The following MTHFD2L variants were observed in gnomAD, a reference collection of about 807,000 sequenced individuals.
MTHFD2L encodes the protein methylenetetrahydrofolate dehydrogenase (NADP+ dependent) 2 like.
In MTHFD2L, 29 loss-of-function variants were observed where a neutral mutation model predicts 34.9. That is an observed-to-expected ratio of 0.83 (90% CI 0.62 to 1.13). The LOEUF (loss-of-function observed/expected upper bound fraction) is 1.13. MTHFD2L is among the 50% of genes most tolerant of loss of function. The pLI, the probability that MTHFD2L is intolerant of heterozygous loss-of-function variation, is 0.00. For missense variants in MTHFD2L, 481 were observed against 446.5 expected, an observed-to-expected ratio of 1.08 and a Z score of -0.70; for synonymous variants, 167 against 155.7, an observed-to-expected ratio of 1.07 and a Z score of -0.54.
intron 6 of MTHFD2L, among the ~76,000 whole-genome samples, chr4:74,277,586 A>C (rs1186234145): frequency 6.6e-6 from 1 of 152,056 alleles, no homozygotes; most frequent in Non-Finnish European, 1.5e-5. Flanking sequence ...GAATATTGCT[A>C]ATAAGGAATA....
intron 6 of MTHFD2L, among the ~76,000 whole-genome samples, chr4:74,250,281 C>G (rs554082454): frequency 6.6e-6 from 1 of 152,308 alleles, no homozygotes; most frequent in African/African-American, 2.4e-5. Flanking sequence ...AAATCACTAA[C>G]TTGCATAATC....
intron 1 of MTHFD2L, among the ~76,000 whole-genome samples, chr4:74,138,835 G>T (rs1295496292): frequency 6.6e-6 from 1 of 152,172 alleles, no homozygotes; most frequent in Non-Finnish European, 1.5e-5. Flanking sequence ...CTGCTCAAAT[G>T]CCTGGGTTTA....
intron 6 of MTHFD2L, among the ~76,000 whole-genome samples, chr4:74,258,536 C>A (rs1560537510): frequency 6.6e-6 from 1 of 151,956 alleles, no homozygotes; most frequent in Non-Finnish European, 1.5e-5. Context: ...CAAGGGCTGA[C>A]TTTATATGAG....
intron 6 of MTHFD2L, among the ~76,000 whole-genome samples, chr4:74,252,102 A>T (rs1352947236): frequency 6.6e-6 from 1 of 152,244 alleles, no homozygotes; most frequent in African/African-American, 2.4e-5. Flanking sequence ...GCTGGGAAAG[A>T]TGCCACCTCT....
At chr4:74,151,019 T>G (rs1723905724) in intron 1 of MTHFD2L, among the ~76,000 whole-genome samples, 1 of 151,972 alleles carries the variant, frequency 6.6e-6, no homozygotes, top group Non-Finnish European at 1.5e-5. Flanking sequence ...GTTCTTTACA[T>G]CATTCTTAGT....
At chr4:74,255,735 A>G (rs1034055812) in intron 6 of MTHFD2L, among the ~76,000 whole-genome samples, 1 of 152,210 alleles carries the variant, frequency 6.6e-6, no homozygotes, top group African/African-American at 2.4e-5. Context: ...TTATTAATAA[A>G]TAAGAACATG....
At chr4:74,231,932 A>T (rs1167065765) in intron 6 of MTHFD2L, among the ~76,000 whole-genome samples, 2 of 152,218 alleles carry the variant, frequency 1.3e-5, no homozygotes, top group Admixed American at 1.3e-4. Flanking sequence ...AACCTTTTGC[A>T]TAGTGTAATC....
intron 6 of MTHFD2L, among the ~76,000 whole-genome samples, chr4:74,242,493 T>C (rs1480779388): frequency 6.6e-6 from 1 of 152,188 alleles, no homozygotes; most frequent in Admixed American, 6.5e-5. Context: ...AACATTCTTA[T>C]GAGGTCAGTA....
chr4:74,224,347 TGCCTTTC>T (rs1738799187), intron 5 of MTHFD2L, among the ~76,000 whole-genome samples: 1 of 152,182 alleles, frequency 6.6e-6, no homozygotes, highest in Non-Finnish European at 1.5e-5. Context: ...ATTTCTTTGC[TGCCTTTC>T]TCCCTGTATG....
At chr4:74,137,898 A>G (rs1578240973) in intron 1 of MTHFD2L, among the ~76,000 whole-genome samples, 1 of 152,196 alleles carries the variant, frequency 6.6e-6, no homozygotes, top group South Asian at 2.1e-4. Context: ...TGTGGGAGCT[A>G]AAAAAAGTGG....
chr4:74,129,731 A>T (rs1029861306), intron 1 of MTHFD2L, among the ~76,000 whole-genome samples: 10 of 152,162 alleles, frequency 6.6e-5, no homozygotes, highest in Non-Finnish European at 1.2e-4. Flanking sequence ...AATAACTAAG[A>T]TCAGAATAGA....
intron 3 of MTHFD2L, among the ~76,000 whole-genome samples, chr4:74,180,164 T>C (rs985130311): frequency 3.3e-5 from 5 of 152,142 alleles, no homozygotes; most frequent in Non-Finnish European, 7.4e-5. Flanking sequence ...ACTCAACTGA[T>C]AGGGTTAGGA....
At chr4:74,283,488 G>C (rs948760225) in intron 7 of MTHFD2L, among the ~76,000 whole-genome samples, 17 of 152,062 alleles carry the variant, frequency 1.1e-4, no homozygotes, top group African/African-American at 3.9e-4. Context: ...ACAAAGATAT[G>C]AGATGAACAG....
In MTHFD2L at chr4:74,301,734, A is replaced by G; in HGVS notation, c.969A>G (p.Pro323=). ...AAGCTGGCTTTATCACTCCAGTTCC[A>G]GGAGGTGTGGGACCCATGACAGTGG... ...KKKAGFITPV[P]GGVGPMTVAM... The change falls in exon 8 of 8, where the codon CCA becomes CCG. Residue 323 remains proline (P), a synonymous_variant. Transcript: ENST00000325278. 2 of 1,606,012 alleles carry G rather than the reference A, an allele frequency of 1.2e-6. No homozygotes were observed. The highest frequency in any genetic ancestry group is 1.7e-6 in the Non-Finnish European group (2 of 1,175,918).
chr4:74,268,622 G>T (rs889983353), intron 6 of MTHFD2L, among the ~76,000 whole-genome samples: 2 of 152,124 alleles, frequency 1.3e-5, no homozygotes, highest in Non-Finnish European at 2.9e-5. Flanking sequence ...TAAATATGGC[G>T]CTTCCTTTTA....
chr4:74,185,181 C>CAAAAAAAAAAAA lies in MTHFD2L; in HGVS notation c.451+9778_451+9779insAAAAAAAAAAAA, dbSNP rs1730964644. Among the ~76,000 whole-genome samples, 4 of 109,314 alleles carry CAAAAAAAAAAAA rather than the reference C, an allele frequency of 3.7e-5. 1 individual carries two copies. Among genetic ancestry groups the CAAAAAAAAAAAA allele is most frequent in the African/African-American group, 2.2e-4 (4 of 18,106 alleles). The allele number at this position is 109,314 out of a possible 152,430, so 71.7% of individuals were successfully genotyped here. A position where few individuals can be genotyped will look rare whatever the true frequency, so the allele number is the denominator to read the frequency against. On this transcript the variant is annotated intron_variant, in intron 3 of 7. Transcript: ENST00000325278. ...AAAAAAAAAAAAAAAAAAAAAAAAT[C>CAAAAAAAAAAAA]TGGAAAATCCCTAAATATTTGAAAA...
At chr4:74,259,624 A>G (rs183868424) in intron 6 of MTHFD2L, among the ~76,000 whole-genome samples, 7 of 152,360 alleles carry the variant, frequency 4.6e-5, no homozygotes, top group Admixed American at 2.0e-4. Context: ...CCATAGGTAC[A>G]TTCAAACCTG....
At chr4:74,185,971 TCAAA>T (rs1731159156) in intron 3 of MTHFD2L, among the ~76,000 whole-genome samples, 1 of 152,132 alleles carries the variant, frequency 6.6e-6, no homozygotes. Flanking sequence ...GAAGATAGAT[TCAAA>T]AGGTATTAAC....
chr4:74,158,713 T>C (rs1427761861), intron 1 of MTHFD2L, among the ~76,000 whole-genome samples: 1 of 152,206 alleles, frequency 6.6e-6, no homozygotes, highest in Non-Finnish European at 1.5e-5. Flanking sequence ...AATAGTGTTG[T>C]CTAAGTCTTT....
Sources: gnomAD v4.1 joint callset for allele counts (sites outside exome capture counted in the v4.1 genomes callset) on GRCh38, gnomAD v4.1.1 for gene constraint, MANE v1.5 for transcripts, NCBI Gene and HGNC (gene_info 2026-07-23, HGNC 2026-07-21) for gene names.